Variants in LINGO2 observed in about 807,000 individuals in gnomAD.
LINGO2 encodes leucine-rich repeat and immunoglobulin-like domain-containing nogo receptor-interacting protein 2.
LINGO2 carries 14 observed loss-of-function variants against 30.6 expected under a neutral mutation model. That is an observed-to-expected ratio of 0.46 (90% CI 0.30 to 0.72). The LOEUF (loss-of-function observed/expected upper bound fraction) is 0.72, where lower values mean the gene tolerates loss of function less well. LINGO2 is among the 30% of genes least tolerant of loss of function. The probability of loss-of-function intolerance (pLI) is 0.07; values close to 1 mark genes in which losing one functional copy is unlikely to be tolerated. For missense variants in LINGO2, 729 were observed against 751.7 expected (o/e 0.97, Z 0.35); for synonymous variants, 317 against 288.5 (o/e 1.10, Z -1.00).
chr9:28,654,384 A>G (rs757064614), intron 1 of LINGO2, among the ~76,000 whole-genome samples: 14 of 152,152 alleles, frequency 9.2e-5, no homozygotes, highest in Non-Finnish European at 1.8e-4. Context: ...CTGACATTGA[A>G]GAGTTATATT....
intron 1 of LINGO2, among the ~76,000 whole-genome samples, chr9:28,590,350 C>A (rs1469469237): frequency 6.6e-6 from 1 of 152,006 alleles, no homozygotes; most frequent in Non-Finnish European, 1.5e-5. Flanking sequence ...AAAGAAACTA[C>A]CATCAGAGTG....
chr9:28,193,727 G>A (rs1485024693), intron 4 of LINGO2, among the ~76,000 whole-genome samples: 1 of 152,306 alleles, frequency 6.6e-6, no homozygotes, highest in East Asian at 1.9e-4. Flanking sequence ...AGTTCTGTGG[G>A]TCACAAACTG....
chr9:28,058,964 A>G (rs1400568776), intron 4 of LINGO2, among the ~76,000 whole-genome samples: 1 of 152,140 alleles, frequency 6.6e-6, no homozygotes, highest in Non-Finnish European at 1.5e-5. Flanking sequence ...CTCACATTTT[A>G]TTTCCTGTTA....
chr9:28,843,921 G>A, the LINGO2 span, among the ~76,000 whole-genome samples: 1 of 151,742 alleles, frequency 6.6e-6, no homozygotes, highest in Admixed American at 6.6e-5. Flanking sequence ...TAACTCCTTT[G>A]AGTCTTTATC....
chr9:28,275,218 G>A lies in LINGO2; in HGVS notation c.-87+19990C>T, dbSNP rs534659740. ...CGAGTAGCTGGGACTACAGGCACCC[G>A]CCACCACGCTTGGCTAATTTTTTGT... On this transcript the variant is annotated intron_variant, in intron 4 of 5. Coordinates refer to ENST00000379992, the Ensembl canonical transcript of LINGO2. 2.5e-4 allele frequency among the ~76,000 whole-genome samples: 38 copies of A among 151,972 alleles called. 1 individual carries two copies. The highest frequency in any genetic ancestry group is 8.3e-4 in the South Asian group (4 of 4,810).
At chr9:29,118,259 G>A in the LINGO2 span, among the ~76,000 whole-genome samples, 6 of 152,046 alleles carry the variant, frequency 3.9e-5, no homozygotes, top group African/African-American at 1.4e-4. Context: ...CCTCTCATTT[G>A]ATGGCTGTCA....
chr9:29,186,587 T>C, the LINGO2 span, among the ~76,000 whole-genome samples: 34 of 152,102 alleles, frequency 2.2e-4, no homozygotes, highest in African/African-American at 4.8e-5. Context: ...GAATAATACT[T>C]CTAAAATGAT....
chr9:29,164,084 T>C, the LINGO2 span, among the ~76,000 whole-genome samples: 1 of 150,762 alleles, frequency 6.6e-6, no homozygotes, highest in Non-Finnish European at 1.5e-5. Flanking sequence ...ACCTAAGCAG[T>C]TGATGAAGGG....
intron 5 of LINGO2, among the ~76,000 whole-genome samples, chr9:27,999,451 AG>A (rs1563897303): frequency 5.0e-4 from 75 of 149,092 alleles, no homozygotes; most frequent in African/African-American, 1.8e-3. Context: ...AGAGAGAGAG[AG>A]AGAGAGAGAG....
intron 3 of LINGO2, among the ~76,000 whole-genome samples, chr9:28,344,143 T>C (rs1397426041): frequency 5.3e-5 from 8 of 152,014 alleles, no homozygotes; most frequent in African/African-American, 1.4e-4. Context: ...ACATTATTGG[T>C]AACAAAAAAA....
intron 4 of LINGO2, among the ~76,000 whole-genome samples, chr9:28,021,111 A>C (rs1563918826): frequency 6.6e-6 from 1 of 150,956 alleles, no homozygotes; most frequent in Non-Finnish European, 1.5e-5. Flanking sequence ...TTAATTTCCT[A>C]TGGTGGAAGC....
At chr9:28,633,076 T>C (rs1163342999) in intron 1 of LINGO2, among the ~76,000 whole-genome samples, 2 of 151,500 alleles carry the variant, frequency 1.3e-5, no homozygotes, top group African/African-American at 2.4e-5. Context: ...AGGAGAAAGA[T>C]GTAGACTAGG....
At chr9:29,061,637 G>T in the LINGO2 span, among the ~76,000 whole-genome samples, 4 of 151,908 alleles carry the variant, frequency 2.6e-5, no homozygotes, top group African/African-American at 9.7e-5. Context: ...ACACGCAAAA[G>T]AATAAGTTTG....
chr9:29,072,584 G>T, the LINGO2 span, among the ~76,000 whole-genome samples: 1 of 138,078 alleles, frequency 7.2e-6, no homozygotes, highest in Non-Finnish European at 1.6e-5. Context: ...CTAATAATTA[G>T]GGGAGAGATA....
intron 4 of LINGO2, among the ~76,000 whole-genome samples, chr9:28,080,170 T>C (rs1587819996): frequency 6.6e-6 from 1 of 152,372 alleles, no homozygotes; most frequent in Admixed American, 6.5e-5. Flanking sequence ...TTCCAAATAG[T>C]AGCCAAAGTT....
intron 2 of LINGO2, among the ~76,000 whole-genome samples, chr9:28,392,365 C>G (rs541201414): frequency 2.6e-5 from 4 of 152,262 alleles, no homozygotes; most frequent in African/African-American, 9.6e-5. Context: ...TGGAGTCGGG[C>G]ATGCCTAGAT....
chr9:28,295,889 A>G (rs1320232190), intron 3 of LINGO2, among the ~76,000 whole-genome samples: 2 of 152,150 alleles, frequency 1.3e-5, no homozygotes, highest in Non-Finnish European at 2.9e-5. Flanking sequence ...TTCTAGGATA[A>G]TGTGTGAGAA....
chr9:28,487,406 A>T (rs1826214184), intron 1 of LINGO2, among the ~76,000 whole-genome samples: 1 of 152,156 alleles, frequency 6.6e-6, no homozygotes, highest in Non-Finnish European at 1.5e-5. Context: ...GCCTGATATG[A>T]TTGTTTTAGA....
chr9:28,665,129 GA>G (rs1828748739), intron 1 of LINGO2, among the ~76,000 whole-genome samples: 2 of 150,170 alleles, frequency 1.3e-5, no homozygotes, highest in Admixed American at 1.3e-4. Flanking sequence ...AAAGGTGGTG[GA>G]AAAAGAGATG....
Sources: allele counts gnomAD v4.1 joint callset (sites outside exome capture counted in the v4.1 genomes callset), GRCh38; gene constraint gnomAD v4.1.1; transcripts MANE v1.5; gene names NCBI Gene and HGNC (gene_info 2026-07-23, HGNC 2026-07-21).